The following PPARGC1A variants were observed in gnomAD, a reference collection of about 807,000 sequenced individuals.
PPARGC1A encodes the protein peroxisome proliferator-activated receptor gamma coactivator 1-alpha.
Under a neutral mutation model 88.7 loss-of-function variants are expected in PPARGC1A, and 25 were observed. That is an observed-to-expected ratio of 0.28 (90% CI 0.21 to 0.39). PPARGC1A has a LOEUF of 0.39. PPARGC1A is among the 10% of genes least tolerant of loss of function. The probability of loss-of-function intolerance (pLI) is 1.00; values close to 1 mark genes in which losing one functional copy is unlikely to be tolerated. For missense variants in PPARGC1A, 880 were observed against 968.7 expected (o/e 0.91, Z 1.22); for synonymous variants, 363 against 355.6 (o/e 1.02, Z -0.24).
the PPARGC1A span, among the ~76,000 whole-genome samples, chr4:23,932,909 G>A: frequency 5.3e-5 from 8 of 152,150 alleles, no homozygotes; most frequent in Admixed American, 6.5e-5. Flanking sequence ...AATCAGTCTC[G>A]CCGTTCTAAG....
At chr4:24,308,532 G>C in the PPARGC1A span, among the ~76,000 whole-genome samples, 10 of 151,976 alleles carry the variant, frequency 6.6e-5, no homozygotes, top group African/African-American at 2.4e-4. Context: ...TATTTACCTA[G>C]AGTTCATCTC....
chr4:24,437,850 G>A, the PPARGC1A span, among the ~76,000 whole-genome samples: 8 of 151,670 alleles, frequency 5.3e-5, no homozygotes, highest in African/African-American at 1.9e-4. Flanking sequence ...TTTGGTTTTG[G>A]TTTTTAAGTA....
chr4:24,347,356 A>G, the PPARGC1A span, among the ~76,000 whole-genome samples: 1 of 152,168 alleles, frequency 6.6e-6, no homozygotes, highest in African/African-American at 2.4e-5. Context: ...TAGTGCTGTC[A>G]GTGGAGTATT....
At chr4:23,901,833 T>C (rs181076573), upstream of PPARGC1A, among the ~76,000 whole-genome samples, 3 of 152,330 alleles carry the variant, frequency 2.0e-5, no homozygotes, top group African/African-American at 7.2e-5. Context: ...GCTTCTTAAA[T>C]TGATAAATGA....
chr4:24,247,964 T>G, the PPARGC1A span, among the ~76,000 whole-genome samples: 1 of 152,112 alleles, frequency 6.6e-6, no homozygotes, highest in Non-Finnish European at 1.5e-5. Context: ...AGAGTTTCCC[T>G]TCCCTTTCCA....
At chr4:23,803,883 C>T (rs760525099) in intron 10 of PPARGC1A, among the ~76,000 whole-genome samples, 3 of 152,082 alleles carry the variant, frequency 2.0e-5, no homozygotes, top group Non-Finnish European at 4.4e-5. Flanking sequence ...AAAAGATGCC[C>T]TTTCTTATTT....
chr4:24,243,481 G>A, the PPARGC1A span, among the ~76,000 whole-genome samples: 51 of 152,224 alleles, frequency 3.4e-4, 1 homozygote, highest in African/African-American at 1.1e-3. Context: ...CTACCCTCGC[G>A]TGCTGTGGTG....
chr4:24,406,402 G>A, the PPARGC1A span, among the ~76,000 whole-genome samples: 2 of 152,136 alleles, frequency 1.3e-5, no homozygotes, highest in African/African-American at 4.8e-5. Context: ...TAAGTCGAGT[G>A]CACCATTATT....
chr4:23,860,470 C>T (rs1301953408), intron 2 of PPARGC1A, among the ~76,000 whole-genome samples: 1 of 151,564 alleles, frequency 6.6e-6, no homozygotes, highest in Non-Finnish European at 1.5e-5. Context: ...GCTCTTACTA[C>T]AAAAAAAAGT....
chr4:24,328,085 G>A, the PPARGC1A span, among the ~76,000 whole-genome samples: 1 of 151,662 alleles, frequency 6.6e-6, no homozygotes, highest in East Asian at 1.9e-4. Context: ...CTATAAAACG[G>A]CCCCACCCCT....
At chr4:24,346,140 A>T in the PPARGC1A span, among the ~76,000 whole-genome samples, 32 of 152,168 alleles carry the variant, frequency 2.1e-4, no homozygotes, top group African/African-American at 7.7e-4. Flanking sequence ...CCACTTGATC[A>T]TGGTGGATTA....
chr4:24,451,023 G>C, the PPARGC1A span, among the ~76,000 whole-genome samples: 1 of 152,148 alleles, frequency 6.6e-6, no homozygotes, highest in African/African-American at 2.4e-5. Flanking sequence ...AATTTGATTA[G>C]AATCACAAAT....
chr4:23,996,193 T>G, the PPARGC1A span, among the ~76,000 whole-genome samples: 1 of 152,134 alleles, frequency 6.6e-6, no homozygotes. Flanking sequence ...GAATTTTGAC[T>G]GGTACTTTTC....
At chr4:24,053,208 T>A in the PPARGC1A span, among the ~76,000 whole-genome samples, 1 of 151,954 alleles carries the variant, frequency 6.6e-6, no homozygotes, top group African/African-American at 2.4e-5. Context: ...TTTCTTACTC[T>A]GCAAGTTCTC....
At chr4:23,896,601 C>A (rs1369359944) in intron 1 of PPARGC1A, among the ~76,000 whole-genome samples, 2 of 152,000 alleles carry the variant, frequency 1.3e-5, no homozygotes, top group Non-Finnish European at 2.9e-5. Context: ...AGAGGTAGAC[C>A]CAAAACCACT....
At chr4:24,410,779 A>G in the PPARGC1A span, among the ~76,000 whole-genome samples, 1 of 151,954 alleles carries the variant, frequency 6.6e-6, no homozygotes, top group Non-Finnish European at 1.5e-5. Flanking sequence ...CGAACATCAG[A>G]CTCCAAGTTC....
At chr4:24,182,158 C>A in the PPARGC1A span, among the ~76,000 whole-genome samples, 1 of 152,080 alleles carries the variant, frequency 6.6e-6, no homozygotes, top group South Asian at 2.1e-4. Flanking sequence ...TTGCTCCCAC[C>A]CCGACAGGCT....
At chr4:24,242,622 C>G in the PPARGC1A span, among the ~76,000 whole-genome samples, 1 of 152,270 alleles carries the variant, frequency 6.6e-6, no homozygotes, top group East Asian at 1.9e-4. Flanking sequence ...TGTCCCATAG[C>G]CAACCATGAC....
the PPARGC1A span, among the ~76,000 whole-genome samples, chr4:24,420,414 G>A: frequency 1.3e-5 from 2 of 152,046 alleles, no homozygotes; most frequent in East Asian, 1.9e-4. Flanking sequence ...TTTTTCCGGC[G>A]CGTTGAAGGC....
Sources: gnomAD v4.1 joint callset for allele counts (sites outside exome capture counted in the v4.1 genomes callset) on GRCh38, gnomAD v4.1.1 for gene constraint, MANE v1.5 for transcripts, NCBI Gene and HGNC (gene_info 2026-07-23, HGNC 2026-07-21) for gene names.